PAX3: variants seen among roughly 807,000 people sequenced by gnomAD.
PAX3 encodes the protein paired box protein Pax-3.
Under a neutral mutation model 51.6 loss-of-function variants are expected in PAX3, and 14 were observed. The ratio of observed to expected loss-of-function variants is 0.27; its 90% CI spans 0.18 to 0.42. The LOEUF is 0.42. PAX3 is among the 10% of genes least tolerant of loss of function. The pLI is 1.00. For synonymous variants in PAX3, 280 were observed against 253.4 expected (o/e 1.11, Z -1.00); for missense variants, 540 against 642.8 (o/e 0.84, Z 1.73).
chr2:222,260,572 T>G lies in PAX3; in HGVS notation c.587-28289A>C, dbSNP rs1188924096. 5.4e-4 allele frequency among the ~76,000 whole-genome samples: 41 copies of G among 76,148 alleles called. 1 individual carries two copies. Among genetic ancestry groups the G allele is most frequent in the African/African-American group, 1.9e-3 (38 of 20,172 alleles). 50.0% of individuals were successfully genotyped at this position (76,148 alleles called of 152,430 possible). A position where few individuals can be genotyped will look rare whatever the true frequency, so the allele number is the denominator to read the frequency against. ...CACAAGTTTTTTTTTTTTGTTTTTT[T>G]TTTTTGTTTTTTTTTTTTGTTTTTT... On this transcript the variant is annotated intron_variant, in intron 4 of 8. Transcript: ENST00000392070.
At chr2:222,225,268 C>G (rs1280045276) in intron 5 of PAX3, among the ~76,000 whole-genome samples, 2 of 152,164 alleles carry the variant, frequency 1.3e-5, no homozygotes, top group African/African-American at 4.8e-5. Context: ...TTGTATGTCT[C>G]TCTACTGAGT....
chr2:222,246,438 G>A (rs1457931493), intron 4 of PAX3, among the ~76,000 whole-genome samples: 1 of 152,090 alleles, frequency 6.6e-6, no homozygotes, highest in African/African-American at 2.4e-5. Context: ...ATTTCATTGT[G>A]CGTTTTTGTT....
chr2:222,298,405 G>A, intron 1 of PAX3, 126 bp downstream of exon 1: 1 of 734,426 alleles, frequency 1.4e-6, no homozygotes, highest in Non-Finnish European at 2.4e-6. Flanking sequence ...GTGCTTCTTG[G>A]GGTGTGGGGT....
intron 4 of PAX3, 111 bp from the exon 5 acceptor site, chr2:222,232,394 AC>A: frequency 1.2e-6 from 1 of 860,140 alleles, no homozygotes; most frequent in Admixed American, 2.3e-5. Flanking sequence ...TGATCCCTAT[AC>A]CTAAAGTAAA....
At chr2:222,258,935 T>C (rs982618525) in intron 4 of PAX3, among the ~76,000 whole-genome samples, 15 of 152,242 alleles carry the variant, frequency 9.9e-5, no homozygotes, top group African/African-American at 3.1e-4. Context: ...CGGTTGACTG[T>C]GGCACTGATT....
chr2:222,209,542 G>A (rs1262994971), intron 7 of PAX3, among the ~76,000 whole-genome samples: 1 of 151,742 alleles, frequency 6.6e-6, no homozygotes, highest in Non-Finnish European at 1.5e-5. Flanking sequence ...TCTGTGGTAA[G>A]GCAGAATAAG....
intron 4 of PAX3, among the ~76,000 whole-genome samples, chr2:222,235,278 C>T (rs928041226): frequency 5.9e-5 from 9 of 152,184 alleles, no homozygotes; most frequent in African/African-American, 1.9e-4. Flanking sequence ...AAGCCCTTCT[C>T]TGCCTTGTTC....
chr2:222,224,968 T>G (rs1692328857), intron 5 of PAX3, among the ~76,000 whole-genome samples: 1 of 152,122 alleles, frequency 6.6e-6, no homozygotes, highest in Non-Finnish European at 1.5e-5. Flanking sequence ...AAGAACAAGA[T>G]TTACAAAGTT....
At chr2:222,294,373 C>G in intron 3 of PAX3, 72 bp from the exon 4 acceptor site, 2 of 1,562,712 alleles carry the variant, frequency 1.3e-6, no homozygotes, top group Non-Finnish European at 1.8e-6. Context: ...CGGGAAGGAC[C>G]CCCCACCCCC....
In PAX3 at chr2:222,224,051, A is replaced by G. The variant is rs191570226; in HGVS notation, c.793-2664T>C. Among the ~76,000 whole-genome samples, 6 of 152,326 alleles carry G rather than the reference A, an allele frequency of 3.9e-5. No individual in the cohort carries two copies. In the East Asian group the frequency reaches 1.2e-3, roughly 29 times the overall value. Reference sequence around the variant, plus strand: ...AGAAACATCATGAGTTTCTACAAATACCTTCAAAAGACAGAATCCAAACAG... The same window carrying G: ...AGAAACATCATGAGTTTCTACAAATGCCTTCAAAAGACAGAATCCAAACAG... On this transcript the variant is annotated intron_variant, in intron 5 of 8. Coordinates refer to ENST00000392070, the MANE Select transcript of PAX3 (RefSeq NM_181458.4).
chr2:222,223,045 G>A (rs1692258839), intron 5 of PAX3, among the ~76,000 whole-genome samples: 1 of 152,150 alleles, frequency 6.6e-6, no homozygotes, highest in South Asian at 2.1e-4. Flanking sequence ...TCCTTACAGA[G>A]CAATGTTAAC....
chr2:222,275,376 T>C (rs1001829686), intron 4 of PAX3, among the ~76,000 whole-genome samples: 13 of 152,130 alleles, frequency 8.5e-5, no homozygotes, highest in Non-Finnish European at 1.8e-4. Context: ...ATCAGGTATA[T>C]ACAAAAAATT....
At chr2:222,241,332 A>G (rs1693008894) in intron 4 of PAX3, among the ~76,000 whole-genome samples, 1 of 152,194 alleles carries the variant, frequency 6.6e-6, no homozygotes, top group Admixed American at 6.5e-5. Context: ...GGGAGCTGTT[A>G]ATGAACTGGG....
chr2:222,253,914 CA>C (rs1693536553), intron 4 of PAX3, among the ~76,000 whole-genome samples: 2 of 152,140 alleles, frequency 1.3e-5, no homozygotes. Flanking sequence ...CTTGGCCTCC[CA>C]AAGTGGCTGG....
chr2:222,212,063 T>C (rs575353100), intron 7 of PAX3, among the ~76,000 whole-genome samples: 14 of 152,038 alleles, frequency 9.2e-5, no homozygotes, highest in Admixed American at 4.6e-4. Context: ...TGGTATGTGT[T>C]TCAACAAGGT....
chr2:222,238,812 C>T (rs994825478), intron 4 of PAX3, among the ~76,000 whole-genome samples: 1 of 152,246 alleles, frequency 6.6e-6, no homozygotes, highest in Non-Finnish European at 1.5e-5. Context: ...TTTTATACTG[C>T]GAGTCTGATC....
At chr2:222,285,812 CTACT>C in intron 4 of PAX3, among the ~76,000 whole-genome samples, 1 of 152,270 alleles carries the variant, frequency 6.6e-6, no homozygotes, top group East Asian at 1.9e-4. Context: ...TAAAACTATA[CTACT>C]TAAATTATCC....
chr2:222,202,131 C>A lies in PAX3; in HGVS notation c.1233G>T (p.Ala411=), dbSNP rs749890792. Residue 411 remains alanine (A), a synonymous_variant, in exon 8 of 9, where the codon GCG becomes GCT. Coordinates refer to ENST00000392070, the MANE Select transcript of PAX3 (RefSeq NM_181458.4). The part of the protein sequence containing the change: ...GVPHQPQTDY[A]LSPLTGGLEP... ...CCAGACCCCCGGTGAGAGGGGAGAGCGCGTAATCAGTCTGGGGCTGATGAG... is the reference window on the plus strand; with the variant it reads ...CCAGACCCCCGGTGAGAGGGGAGAGAGCGTAATCAGTCTGGGGCTGATGAG... The A allele has an allele frequency of 1.9e-6, 3 of 1,612,508 alleles. No homozygotes were observed. Among genetic ancestry groups the A allele is most frequent in the African/African-American group, 1.3e-5 (1 of 74,916 alleles).
intron 7 of PAX3, among the ~76,000 whole-genome samples, chr2:222,215,410 T>C (rs1691913665): frequency 6.6e-6 from 1 of 152,126 alleles, no homozygotes; most frequent in Non-Finnish European, 1.5e-5. Flanking sequence ...CTATAAACAG[T>C]GTAACCCACT....
Sources: allele counts gnomAD v4.1 joint callset (sites outside exome capture counted in the v4.1 genomes callset), GRCh38; gene constraint gnomAD v4.1.1; transcripts MANE v1.5; gene names NCBI Gene and HGNC (gene_info 2026-07-23, HGNC 2026-07-21).